FHIT: variants seen among roughly 807,000 people sequenced by gnomAD.
FHIT encodes bis(5'-adenosyl)-triphosphatase.
In FHIT, 19 loss-of-function variants were observed where a neutral mutation model predicts 17.9. The observed-to-expected ratio is 1.06, with a 90% CI of 0.74 to 1.56. The LOEUF is 1.56. FHIT is among the 40% of genes most tolerant of loss of function. The pLI is 0.00. For missense variants in FHIT, 248 were observed against 189.2 expected (o/e 1.31, Z -1.82); for synonymous variants, 81 against 69.7 (o/e 1.16, Z -0.81).
chr3:60,013,612 G>A (rs1206647337), intron 6 of FHIT, among the ~76,000 whole-genome samples: 1 of 152,142 alleles, frequency 6.6e-6, no homozygotes, highest in Non-Finnish European at 1.5e-5. Flanking sequence ...AAAAGGTAAG[G>A]CCCAACCTAA....
chr3:61,027,382 C>T (rs1232115811), intron 3 of FHIT, among the ~76,000 whole-genome samples: 1 of 152,186 alleles, frequency 6.6e-6, no homozygotes, highest in Non-Finnish European at 1.5e-5. Context: ...CCAGCGCACC[C>T]GGCCCTTATA....
chr3:60,370,696 C>G (rs1044001566), intron 5 of FHIT, among the ~76,000 whole-genome samples: 3 of 152,234 alleles, frequency 2.0e-5, no homozygotes, highest in African/African-American at 7.2e-5. Context: ...TTAATTATAT[C>G]TGAAGTTTGT....
chr3:59,800,560 A>T (rs533924173), intron 8 of FHIT, among the ~76,000 whole-genome samples: 11 of 152,194 alleles, frequency 7.2e-5, no homozygotes, highest in Non-Finnish European at 1.3e-4. Context: ...TTAAAGCTAT[A>T]ATGAATTTCA....
intron 2 of FHIT, among the ~76,000 whole-genome samples, chr3:61,147,025 C>T (rs4309721): frequency 0.52 from 78,123 of 151,618 alleles, 20,854 homozygotes; most frequent in Middle Eastern, 0.63. Flanking sequence ...CCCATACTGA[C>T]AGCTGCCTCT....
chr3:61,138,902 A>T (rs2036993708), intron 2 of FHIT, among the ~76,000 whole-genome samples: 1 of 152,238 alleles, frequency 6.6e-6, no homozygotes, highest in East Asian at 1.9e-4. Context: ...CTGCTGCTCT[A>T]GAATTTCCAA....
chr3:60,376,735 C>T lies in FHIT; in HGVS notation c.103+160125G>A, dbSNP rs749984263. Among the ~76,000 whole-genome samples, 17 of 152,250 alleles carry T rather than the reference C, an allele frequency of 1.1e-4. No homozygotes were observed. In the Middle Eastern group the frequency reaches 0.01, roughly 91 times the overall value. Reference sequence around the variant, plus strand: ...TAATTTTTAAAAAAATCCTTTAAAACGTATTACCTTTTCCAGGGACAAATG... The same window carrying T: ...TAATTTTTAAAAAAATCCTTTAAAATGTATTACCTTTTCCAGGGACAAATG... On this transcript the variant is annotated intron_variant, in intron 5 of 9. Coordinates refer to ENST00000492590, the MANE Select transcript of FHIT (RefSeq NM_002012.4).
chr3:60,293,638 C>G (rs924525400), intron 5 of FHIT, among the ~76,000 whole-genome samples: 1 of 151,684 alleles, frequency 6.6e-6, no homozygotes, highest in Non-Finnish European at 1.5e-5. Context: ...GAAAATGAAA[C>G]GGTCCCTTGT....
At chr3:60,592,594 G>C (rs1553664779) in intron 4 of FHIT, among the ~76,000 whole-genome samples, 1 of 152,126 alleles carries the variant, frequency 6.6e-6, no homozygotes, top group East Asian at 1.9e-4. Context: ...TTCACTGCCT[G>C]GGCAGCAGGA....
At chr3:61,183,327 T>TGAATGAATGAATGAATGAATGAAC in intron 2 of FHIT, among the ~76,000 whole-genome samples, 1 of 152,182 alleles carries the variant, frequency 6.6e-6, no homozygotes, top group East Asian at 1.9e-4. Context: ...AGTGAATGAA[T>TGAATGAATGAATGAATGAATGAAC]GAATGAAAAC....
chr3:60,592,843 A>G (rs1559564793), intron 4 of FHIT, among the ~76,000 whole-genome samples: 1 of 152,146 alleles, frequency 6.6e-6, no homozygotes, highest in African/African-American at 2.4e-5. Context: ...GAGAGTGAGT[A>G]GAGCCTCCGT....
chr3:60,791,926 T>G (rs1358371980), intron 4 of FHIT, among the ~76,000 whole-genome samples: 1 of 152,214 alleles, frequency 6.6e-6, no homozygotes, highest in Non-Finnish European at 1.5e-5. Context: ...TAAGCAGTGC[T>G]TACTATTTTA....
chr3:59,927,840 T>C (rs567626945), intron 7 of FHIT, among the ~76,000 whole-genome samples: 11 of 152,016 alleles, frequency 7.2e-5, no homozygotes, highest in East Asian at 1.9e-4. Context: ...GGAGGTGAAA[T>C]AGAGACAGCA....
intron 5 of FHIT, among the ~76,000 whole-genome samples, chr3:60,260,462 G>A (rs143018): frequency 0.7 from 106,219 of 151,960 alleles, 37,710 homozygotes; most frequent in East Asian, 0.93. Context: ...ATTCACTATT[G>A]TTTAGAAGTT....
chr3:60,889,291 G>T (rs1397845500), intron 3 of FHIT, among the ~76,000 whole-genome samples: 1 of 152,194 alleles, frequency 6.6e-6, no homozygotes, highest in African/African-American at 2.4e-5. Context: ...ATGTGCCTCA[G>T]GGATAAGAAC....
intron 4 of FHIT, among the ~76,000 whole-genome samples, chr3:60,802,940 A>G (rs762458866): frequency 4.6e-5 from 7 of 152,142 alleles, no homozygotes; most frequent in Non-Finnish European, 8.8e-5. Flanking sequence ...TGTCTTGCCT[A>G]TGTACAAGGC....
In FHIT at chr3:60,710,119, A is replaced by G. The variant is rs542170811; in HGVS notation, c.-18+111800T>C. On this transcript the variant is annotated intron_variant, in intron 4 of 9. Coordinates refer to ENST00000492590, the MANE Select transcript of FHIT (RefSeq NM_002012.4). ...AACTCAACAATCAAAATGCAATTAA[A>G]TTAATAATTTTTACTTTTCAACAAG... 2.4e-4 allele frequency among the ~76,000 whole-genome samples: 37 copies of G among 152,102 alleles called. 1 individual carries two copies. In the South Asian group the frequency reaches 7.5e-3, roughly 31 times the overall value.
chr3:60,486,426 C>A (rs2033843402), intron 5 of FHIT, among the ~76,000 whole-genome samples: 1 of 152,080 alleles, frequency 6.6e-6, no homozygotes, highest in Admixed American at 6.6e-5. Context: ...TACAAACAAC[C>A]ATAATCCCTT....
intron 3 of FHIT, among the ~76,000 whole-genome samples, chr3:60,942,142 C>T (rs1708439134): frequency 6.6e-6 from 1 of 152,176 alleles, no homozygotes. Flanking sequence ...ACAGCCATGC[C>T]TGGCTAATTT....
intron 2 of FHIT, among the ~76,000 whole-genome samples, chr3:61,110,990 C>G (rs2036141977): frequency 6.6e-6 from 1 of 152,158 alleles, no homozygotes; most frequent in South Asian, 2.1e-4. Context: ...TCTCCAGCGC[C>G]CCTTAACTAT....
Sources: allele counts gnomAD v4.1 joint callset (sites outside exome capture counted in the v4.1 genomes callset), GRCh38; gene constraint gnomAD v4.1.1; transcripts MANE v1.5; gene names NCBI Gene and HGNC (gene_info 2026-07-23, HGNC 2026-07-21).